Variants in DLG1 observed in about 807,000 individuals in gnomAD.
DLG1 encodes the protein disks large homolog 1.
In DLG1, 42 loss-of-function variants were observed where a neutral mutation model predicts 123.4. The observed-to-expected ratio is 0.34, with a 90% CI of 0.27 to 0.44. The LOEUF is 0.44. Among genes scored for constraint, DLG1 ranks in the 20% least tolerant of loss-of-function variants. The pLI is 1.00. For synonymous variants in DLG1, 317 were observed against 356.2 expected, an observed-to-expected ratio of 0.89 and a Z score of 1.24; for missense variants, 942 against 1,082.6, an observed-to-expected ratio of 0.87 and a Z score of 1.82.
chr3:197,265,478 T>C (rs1206521513), intron 4 of DLG1, among the ~76,000 whole-genome samples: 2 of 152,100 alleles, frequency 1.3e-5, no homozygotes, highest in East Asian at 1.9e-4. Flanking sequence ...GGAGAAAGCG[T>C]TGAGAATAAA....
rs968405763 is a variant in DLG1 at position 197,042,650 on chromosome 3, T to C, written c.*1973A>G. 6.6e-6 allele frequency: 1 copy of C among 152,226 alleles called. No individual in the cohort carries two copies. Among genetic ancestry groups the C allele is most frequent in the African/African-American group, 2.4e-5 (1 of 41,472 alleles). 9.4% of individuals were successfully genotyped at this position (152,226 alleles called of 1,614,324 possible). On this transcript the variant is annotated 3_prime_UTR_variant, in exon 25 of 25. Coordinates refer to ENST00000667157, the MANE Select transcript of DLG1 (RefSeq NM_001366207.1). ...TTACAACATGTGACTATTTGGTAAA[T>C]ACTTCAAAATAGCTTATGCTGCGGT...
Position 197,090,012 on chromosome 3 carries a change from T to C in DLG1, c.1661+900A>G, listed in dbSNP as rs180861348. 2.0e-5 allele frequency among the ~76,000 whole-genome samples: 3 copies of C among 151,888 alleles called. No individual in the cohort carries two copies. The East Asian group carries it at 5.9e-4, about 30-fold the overall frequency. On this transcript the variant is annotated intron_variant, in intron 15 of 24. Coordinates refer to ENST00000667157, the MANE Select transcript of DLG1 (RefSeq NM_001366207.1). The stretch of plus-strand genomic sequence containing the variant: ...TATGTGAAGACAGTAAGTCATATCA[T>C]ATGTAAACAAGTACAGAGTACCTGT...
chr3:197,151,726 T>C (rs1793953265), intron 5 of DLG1, among the ~76,000 whole-genome samples: 1 of 152,228 alleles, frequency 6.6e-6, no homozygotes, highest in Non-Finnish European at 1.5e-5. Flanking sequence ...TGTGAAATAC[T>C]CTGGGTCAGG....
chr3:197,087,759 G>A (rs989391248), intron 15 of DLG1, among the ~76,000 whole-genome samples: 2 of 152,164 alleles, frequency 1.3e-5, no homozygotes, highest in Non-Finnish European at 2.9e-5. Flanking sequence ...CCTGGAGATG[G>A]TCATAAATTA....
intron 12 of DLG1, 82 bp from the exon 13 acceptor site, chr3:197,116,165 TTTTTATGTTATCAAAC>T (rs781745556): frequency 5.6e-6 from 6 of 1,076,526 alleles, no homozygotes; most frequent in Non-Finnish European, 8.0e-6. Context: ...CTACTGATAA[TTTTTATGTTATCAAAC>T]TACAAAGAAA....
intron 5 of DLG1, among the ~76,000 whole-genome samples, chr3:197,155,362 A>G (rs886497906): frequency 6.6e-6 from 1 of 152,158 alleles, no homozygotes; most frequent in African/African-American, 2.4e-5. Flanking sequence ...TTAAGGGGGA[A>G]ATTAAGATGT....
At chr3:197,178,382 G>GC (rs753369492) in intron 5 of DLG1, among the ~76,000 whole-genome samples, 4 of 152,140 alleles carry the variant, frequency 2.6e-5, no homozygotes, top group Non-Finnish European at 5.9e-5. Flanking sequence ...TTTGTCTTCA[G>GC]CATCTTAGTG....
At chr3:197,160,368 T>TAAAA (rs11461979) in intron 5 of DLG1, among the ~76,000 whole-genome samples, 1 of 141,838 alleles carries the variant, frequency 7.1e-6, no homozygotes, top group East Asian at 2.0e-4. Context: ...TCAATTCTAT[T>TAAAA]AAAAAAAAAA....
At chr3:197,154,178 T>C (rs1290878345) in intron 5 of DLG1, among the ~76,000 whole-genome samples, 4 of 151,878 alleles carry the variant, frequency 2.6e-5, no homozygotes, top group Admixed American at 2.6e-4. Flanking sequence ...GGCAGGTGCC[T>C]ATAATCCCAG....
chr3:197,156,293 A>G (rs989786595), intron 5 of DLG1, among the ~76,000 whole-genome samples: 1 of 152,194 alleles, frequency 6.6e-6, no homozygotes, highest in Admixed American at 6.5e-5. Context: ...CACACAAAAT[A>G]TAACTAAAGA....
At chr3:197,232,024 A>G (rs1743418462) in intron 4 of DLG1, among the ~76,000 whole-genome samples, 1 of 152,254 alleles carries the variant, frequency 6.6e-6, no homozygotes, top group South Asian at 2.1e-4. Context: ...GGAGAGCATA[A>G]GAATCAGAGG....
intron 10 of DLG1, among the ~76,000 whole-genome samples, chr3:197,131,782 A>G (rs1782723053): frequency 6.7e-6 from 1 of 149,770 alleles, no homozygotes; most frequent in Non-Finnish European, 1.5e-5. Flanking sequence ...TTTAGTAGAG[A>G]CGGGGTTTCA....
rs1180060626 is a variant in DLG1 at position 197,065,728 on chromosome 3, T to G, written c.2180A>C (p.Lys727Thr). Residue 727 changes from lysine (K) to threonine (T), a missense_variant, in exon 21 of 25, where the codon AAA becomes ACA. Coordinates refer to ENST00000667157, the MANE Select transcript of DLG1 (RefSeq NM_001366207.1). ...NDDLISEFPDKFGSCVPHTTR... is the reference protein window; with the variant it reads ...NDDLISEFPDTFGSCVPHTTR... ...CTTACGAGGAACACAGGATCCAAAT[T>G]TGTCAGGAAATTCTGAGATCAAGTC... The G allele has an allele frequency of 3.1e-6, 5 of 1,610,882 alleles. No homozygotes were observed. The highest frequency in any genetic ancestry group is 4.2e-6 in the Non-Finnish European group (5 of 1,177,880).
intron 10 of DLG1, among the ~76,000 whole-genome samples, chr3:197,135,148 T>G (rs1475921850): frequency 6.6e-6 from 1 of 152,232 alleles, no homozygotes; most frequent in Non-Finnish European, 1.5e-5. Flanking sequence ...CTTCTTGAGA[T>G]CACACAGCCA....
intron 23 of DLG1, among the ~76,000 whole-genome samples, chr3:197,053,639 G>C (rs535460488): frequency 9.9e-5 from 15 of 152,112 alleles, no homozygotes; most frequent in African/African-American, 3.4e-4. Context: ...GGGCACAGTG[G>C]TGAGTCCCTG....
At chr3:197,097,288 GTTC>G (rs1412171513) in intron 14 of DLG1, among the ~76,000 whole-genome samples, 3 of 152,122 alleles carry the variant, frequency 2.0e-5, no homozygotes, top group Non-Finnish European at 1.5e-5. Context: ...AACTCTTATA[GTTC>G]ACTTGGTGTT....
intron 11 of DLG1, among the ~76,000 whole-genome samples, chr3:197,121,099 G>C (rs76770237): frequency 6.6e-6 from 1 of 152,016 alleles, no homozygotes; most frequent in African/African-American, 2.4e-5. Flanking sequence ...AAGAAATCCA[G>C]TCAAATGCCC....
intron 14 of DLG1, among the ~76,000 whole-genome samples, chr3:197,091,716 G>T (rs556276213): frequency 6.6e-6 from 1 of 151,944 alleles, no homozygotes; most frequent in Non-Finnish European, 1.5e-5. Flanking sequence ...AATGACAAAA[G>T]TTTAAGCACC....
intron 11 of DLG1, among the ~76,000 whole-genome samples, chr3:197,122,889 T>A (rs1460089547): frequency 6.6e-6 from 1 of 152,062 alleles, no homozygotes; most frequent in African/African-American, 2.4e-5. Flanking sequence ...AGACCCAACA[T>A]AATCTTGAAC....
Sources: allele counts gnomAD v4.1 joint callset (sites outside exome capture counted in the v4.1 genomes callset), GRCh38; gene constraint gnomAD v4.1.1; transcripts MANE v1.5; gene names NCBI Gene and HGNC (gene_info 2026-07-23, HGNC 2026-07-21).